NAXD: variants seen among roughly 807,000 people sequenced by gnomAD.
The protein encoded by NAXD is NAD(P)HX dehydratase.
In NAXD, 22 loss-of-function variants were observed where a neutral mutation model predicts 35.8. That is an observed-to-expected ratio of 0.62 (90% CI 0.44 to 0.88). The LOEUF (loss-of-function observed/expected upper bound fraction) is 0.88. NAXD is among the 40% of genes least tolerant of loss of function. NAXD has a pLI of 0.00. For missense variants in NAXD, 428 were observed against 437.7 expected (o/e 0.98, Z 0.20); for synonymous variants, 189 against 177.6 (o/e 1.06, Z -0.51).
intron 5 of NAXD, among the ~76,000 whole-genome samples, chr13:110,631,470 T>G (rs896910802): frequency 6.6e-6 from 1 of 152,240 alleles, no homozygotes; most frequent in African/African-American, 2.4e-5. Flanking sequence ...CAAGGTTTGC[T>G]TTCCCATGGG....
At chr13:110,637,483 AG>A (rs1444943186) in intron 9 of NAXD, among the ~76,000 whole-genome samples, 1 of 152,124 alleles carries the variant, frequency 6.6e-6, no homozygotes, top group African/African-American at 2.4e-5. Flanking sequence ...TGGTCTTCAG[AG>A]CTCTCCAGAG....
chr13:110,624,295 ATTTC>A lies in NAXD; in HGVS notation c.243+20_243+23del, dbSNP rs532505358. The stretch of plus-strand genomic sequence containing the variant: ...TCTCAAAGTGGTATGTTTACTTAAA[ATTTC>A]TTTATTGGGATTTTTCTGGTAGAGA... On this transcript the variant is annotated intron_variant, in intron 3 of 9. Coordinates refer to ENST00000680254, the MANE Select transcript of NAXD (RefSeq NM_001242882.2). 4 of 1,547,354 alleles carry A rather than the reference ATTTC, an allele frequency of 2.6e-6. No homozygotes were observed. Among genetic ancestry groups the A allele is most frequent in the Admixed American group, 1.7e-5 (1 of 59,488 alleles).
rs986141502 is a variant in NAXD at position 110,634,982 on chromosome 13, A to G, written c.597+206A>G. Among the ~76,000 whole-genome samples, 9 of 152,142 alleles carry G rather than the reference A, an allele frequency of 5.9e-5. 3 individuals carry two copies. Among genetic ancestry groups the G allele is most frequent in the Admixed American group, 5.9e-4 (9 of 15,290 alleles). On this transcript the variant is annotated intron_variant, in intron 7 of 9. Transcript: ENST00000680254. ...TGTAGTGGGCTTGGGACAGGCAGGGACTCGGGTCAGTCAGCCCCTCCTGCA... is the reference window on the plus strand; with the variant it reads ...TGTAGTGGGCTTGGGACAGGCAGGGGCTCGGGTCAGTCAGCCCCTCCTGCA...
intron 1 of NAXD, among the ~76,000 whole-genome samples, chr13:110,619,054 A>G (rs1183798863): frequency 3.9e-5 from 6 of 152,182 alleles, no homozygotes; most frequent in Non-Finnish European, 7.3e-5. Flanking sequence ...GCAGAGGGGC[A>G]TTGGTGCTCC....
chr13:110,615,540 C>T (rs1886008023), upstream of NAXD: 1 of 1,327,350 alleles, frequency 7.5e-7, no homozygotes, highest in Admixed American at 4.0e-5. Context: ...CCGGAAAACG[C>T]TTCCAATGGC....
chr13:110,633,414 T>G (rs1017019417), intron 5 of NAXD, among the ~76,000 whole-genome samples: 8 of 152,120 alleles, frequency 5.3e-5, no homozygotes, highest in African/African-American at 1.9e-4. Flanking sequence ...CGCCTCTCCC[T>G]CCACACCTCC....
intron 1 of NAXD, chr13:110,616,075 G>A: frequency 2.8e-6 from 1 of 351,006 alleles, no homozygotes; most frequent in African/African-American, 2.1e-5. Context: ...AGGGCCCTGG[G>A]GCGCCGTGGT....
intron 5 of NAXD, among the ~76,000 whole-genome samples, 188 bp downstream of exon 5, chr13:110,627,735 T>C (rs1424149995): frequency 1.3e-5 from 2 of 152,218 alleles, no homozygotes; most frequent in African/African-American, 4.8e-5. Context: ...TGAGATGTGC[T>C]TCTCTCCGGG....
chr13:110,625,921 G>C (rs554272992), intron 4 of NAXD, among the ~76,000 whole-genome samples: 6 of 152,328 alleles, frequency 3.9e-5, no homozygotes, highest in Admixed American at 1.3e-4. Context: ...GAACCGTAGA[G>C]AGCGGCAGCA....
At chr13:110,617,277 C>T (rs1161569407) in intron 1 of NAXD, among the ~76,000 whole-genome samples, 1 of 152,100 alleles carries the variant, frequency 6.6e-6, no homozygotes, top group African/African-American at 2.4e-5. Flanking sequence ...TAGCACAAAG[C>T]AGCAGTGATA....
intron 4 of NAXD, among the ~76,000 whole-genome samples, chr13:110,626,427 G>A (rs1214855366): frequency 2.6e-5 from 4 of 152,136 alleles, no homozygotes; most frequent in Non-Finnish European, 5.9e-5. Flanking sequence ...GTAGGGCGCA[G>A]TTTGGCTGCC....
intron 5 of NAXD, among the ~76,000 whole-genome samples, chr13:110,633,872 A>C (rs1024582941): frequency 9.2e-5 from 14 of 152,198 alleles, no homozygotes; most frequent in African/African-American, 3.4e-4. Context: ...AGTGATATGA[A>C]AAATACATAA....
chr13:110,638,417 T>C lies in NAXD; in HGVS notation c.879T>C (p.Ser293=). ...PLLVAAFGAC[S]LTRQCNHQAF... is the part of the protein sequence containing the mutation. Reference sequence around the variant, plus strand: ...TGGTGGCCGCGTTTGGCGCCTGCTCTCTCACCAGGCAGTGCAACCACCAAG... The same window carrying C: ...TGGTGGCCGCGTTTGGCGCCTGCTCCCTCACCAGGCAGTGCAACCACCAAG... The change falls in exon 10 of 10, where the codon TCT becomes TCC. Residue 293 remains serine (S), a synonymous_variant. Transcript: ENST00000680254. The surrounding 1 kb of genome is among the most constrained non-coding windows in gnomAD (Gnocchi z 5.4). 1 of 1,613,562 alleles carries C rather than the reference T, an allele frequency of 6.2e-7. No individual in the cohort carries two copies. The highest frequency in any genetic ancestry group is 2.2e-5 in the East Asian group (1 of 44,870).
chr13:110,615,806 G>C (rs914807864), intron 1 of NAXD, 159 bp downstream of exon 1: 3 of 1,302,194 alleles, frequency 2.3e-6, no homozygotes, highest in African/African-American at 1.5e-5. Flanking sequence ...CTGCTGGCTC[G>C]CGGGGGGGAA....
chr13:110,636,242 T>C (rs952412272), intron 8 of NAXD, among the ~76,000 whole-genome samples: 2 of 152,246 alleles, frequency 1.3e-5, no homozygotes, highest in Admixed American at 1.3e-4. Context: ...GCAGCGAATG[T>C]GCTCACCTGC....
rs748958863 is a variant in NAXD, at chr13:110,638,246, A to G, written c.840-132A>G. ...ATAAACCTGCTTTCTCCTCAGGGGC[A>G]TATCAGACTTGAAATTGACAATTTG... On this transcript the variant is annotated intron_variant, in intron 9 of 9. Transcript: ENST00000680254. This position sits in a 1 kb window ranked among gnomAD's most constrained non-coding sequence, Gnocchi z 5.4. 4.5e-6 allele frequency: 7 copies of G among 1,567,366 alleles called. No individual in the cohort carries two copies. In the East Asian group the frequency reaches 1.6e-4, roughly 35 times the overall value.
At chr13:110,633,334 C>A (rs550429986) in intron 5 of NAXD, among the ~76,000 whole-genome samples, 1 of 152,178 alleles carries the variant, frequency 6.6e-6, no homozygotes, top group African/African-American at 2.4e-5. Flanking sequence ...GTGCGGGGCC[C>A]GCCAAGCCCA....
chr13:110,634,548 A>G lies in NAXD; in HGVS notation c.445A>G (p.Ile149Val), dbSNP rs776577160. The G allele has an allele frequency of 2.5e-6, 4 of 1,614,156 alleles. No homozygotes were observed. Among genetic ancestry groups the G allele is most frequent in the South Asian group, 2.2e-5 (2 of 91,088 alleles). Residue 149 changes from isoleucine (I) to valine (V), a missense_variant, in exon 6 of 10, where the codon ATT (isoleucine) becomes GTT (valine). By Grantham distance (29) the Ile-to-Val change is conservative (BLOSUM62 3). Around this residue, in one of 3 missense-constraint regions of NAXD, gnomAD observed 208 missense variants for 193.0 expected, o/e 1.08. Transcript: ENST00000680254. ...GTCTGGTTTTCTCTTCTGGCAGGGC[A>G]TTTTGGAAGTGTCAAAGGCCAGGGA... ...DDALLRNVQGILEVSKARDIP... is the reference protein window; with the variant it reads ...DDALLRNVQGVLEVSKARDIP...
At chr13:110,629,137 A>G (rs1886613928) in intron 5 of NAXD, among the ~76,000 whole-genome samples, 1 of 151,914 alleles carries the variant, frequency 6.6e-6, no homozygotes, top group South Asian at 2.1e-4. Context: ...TACTTCGTCG[A>G]CGTTCCTGAA....
Sources: allele counts gnomAD v4.1 joint callset (sites outside exome capture counted in the v4.1 genomes callset), GRCh38; gene constraint gnomAD v4.1.1; regional missense constraint gnomAD v4.1.1; non-coding constraint Gnocchi (gnomAD v3.1); transcripts MANE v1.5; gene names NCBI Gene and HGNC (gene_info 2026-07-23, HGNC 2026-07-21).